Variants in SYT1 observed in about 807,000 individuals in gnomAD.
SYT1 encodes the protein synaptotagmin-1.
SYT1 carries 8 observed loss-of-function variants against 44.8 expected under a neutral mutation model. The ratio of observed to expected loss-of-function variants is 0.18; its 90% CI spans 0.10 to 0.32. The LOEUF is 0.32. Among genes scored for constraint, SYT1 ranks in the 10% least tolerant of loss-of-function variants. The probability of loss-of-function intolerance (pLI) is 1.00; values close to 1 mark genes in which losing one functional copy is unlikely to be tolerated. For synonymous variants in SYT1, 154 were observed against 188.8 expected, an observed-to-expected ratio of 0.82 and a Z score of 1.51; for missense variants, 286 against 509.3, an observed-to-expected ratio of 0.56 and a Z score of 4.22.
intron 10 of SYT1, among the ~76,000 whole-genome samples, chr12:79,448,230 A>G (rs1460215950): frequency 6.6e-6 from 1 of 152,224 alleles, no homozygotes; most frequent in Non-Finnish European, 1.5e-5. Context: ...TCCATTTGAT[A>G]TCAATGCCAG....
intron 8 of SYT1, among the ~76,000 whole-genome samples, chr12:79,300,813 ATATATATATATT>A (rs201412715): frequency 0.011 from 1,550 of 142,176 alleles, 38 homozygotes; most frequent in African/African-American, 0.037. Flanking sequence ...ATATATATAT[ATATATATATATT>A]TACTGTCTCA....
At chr12:78,952,897 C>T (rs140888275) in intron 1 of SYT1, among the ~76,000 whole-genome samples, 424 of 152,064 alleles carry the variant, frequency 2.8e-3, no homozygotes, top group Non-Finnish European at 5.1e-3. Flanking sequence ...TTTTCTTAAG[C>T]TGACTATTAA....
At chr12:78,914,706 A>T (rs1592554261) in intron 1 of SYT1, among the ~76,000 whole-genome samples, 1 of 152,062 alleles carries the variant, frequency 6.6e-6, no homozygotes, top group East Asian at 1.9e-4. Flanking sequence ...TTGCCTAAAG[A>T]TATATTCAGC....
intron 3 of SYT1, 54 bp from the exon 4 acceptor site, chr12:79,217,449 G>T: frequency 7.0e-7 from 1 of 1,421,484 alleles, no homozygotes; most frequent in South Asian, 1.6e-5. Flanking sequence ...CCTTTGATGT[G>T]GGAGCAGTTA....
At chr12:79,370,335 G>T (rs1192693600) in intron 9 of SYT1, among the ~76,000 whole-genome samples, 1 of 152,164 alleles carries the variant, frequency 6.6e-6, no homozygotes, top group Non-Finnish European at 1.5e-5. Flanking sequence ...TGAAAAATGT[G>T]AGAAAAGAAT....
At chr12:78,920,356 C>G (rs922791800) in intron 1 of SYT1, among the ~76,000 whole-genome samples, 1 of 151,744 alleles carries the variant, frequency 6.6e-6, no homozygotes, top group Non-Finnish European at 1.5e-5. Context: ...GCTAATAGAT[C>G]GCATTCAACA....
At chr12:79,037,170 T>C (rs1172716073) in intron 2 of SYT1, among the ~76,000 whole-genome samples, 1 of 151,840 alleles carries the variant, frequency 6.6e-6, no homozygotes, top group Admixed American at 6.6e-5. Flanking sequence ...TCAATGTGAC[T>C]TTCCGTTATA....
At chr12:79,245,057 G>A (rs1472177832) in intron 4 of SYT1, among the ~76,000 whole-genome samples, 1 of 152,094 alleles carries the variant, frequency 6.6e-6, no homozygotes, top group Admixed American at 6.5e-5. Context: ...GAATGACTCT[G>A]AAATTGCCAT....
At chr12:78,999,370 T>G (rs1870580694) in intron 2 of SYT1, among the ~76,000 whole-genome samples, 1 of 152,134 alleles carries the variant, frequency 6.6e-6, no homozygotes, top group South Asian at 2.1e-4. Context: ...TTTTAAAGAG[T>G]CTGGATCTTT....
At chr12:78,885,083 A>G (rs1243638896) in intron 1 of SYT1, among the ~76,000 whole-genome samples, 1 of 151,952 alleles carries the variant, frequency 6.6e-6, no homozygotes, top group Non-Finnish European at 1.5e-5. Flanking sequence ...TTGGATTTCA[A>G]TCCACTAGTA....
At chr12:79,200,081 G>A (rs985220836) in intron 3 of SYT1, among the ~76,000 whole-genome samples, 3 of 152,018 alleles carry the variant, frequency 2.0e-5, no homozygotes, top group Admixed American at 1.3e-4. Context: ...CCTACCAAAA[G>A]CTACTGAAAT....
At chr12:79,235,488 A>G (rs555628878) in intron 4 of SYT1, among the ~76,000 whole-genome samples, 1 of 152,086 alleles carries the variant, frequency 6.6e-6, no homozygotes, top group African/African-American at 2.4e-5. Context: ...TATAAAAGAA[A>G]AACTTGATAA....
chr12:78,993,992 G>A lies in SYT1; in HGVS notation c.-84+16061G>A, dbSNP rs138984090. ...TTTTTCTGATGATAGTATGTTGTTGGCAGAACAAAAAAGTTGTGTTTCCAT... is the reference window on the plus strand; with the variant it reads ...TTTTTCTGATGATAGTATGTTGTTGACAGAACAAAAAAGTTGTGTTTCCAT... On this transcript the variant is annotated intron_variant, in intron 2 of 10. Transcript: ENST00000261205. Among the ~76,000 whole-genome samples the A allele has an allele frequency of 7.2e-5, 11 of 152,264 alleles. No individual in the cohort carries two copies. The East Asian group carries it at 2.1e-3, about 29-fold the overall frequency.
At chr12:78,951,107 C>T (rs1225700983) in intron 1 of SYT1, among the ~76,000 whole-genome samples, 4 of 152,098 alleles carry the variant, frequency 2.6e-5, no homozygotes, top group Non-Finnish European at 1.5e-5. Context: ...GAGTGATAGT[C>T]AAGTCCAAAC....
chr12:78,994,425 T>C lies in SYT1; in HGVS notation c.-84+16494T>C, dbSNP rs192253082. The stretch of plus-strand genomic sequence containing the variant: ...CTGCCTATTGTTCTGCCTAGCTCTT[T>C]CACATTTACTTGAGAAGTGTCATCA... On this transcript the variant is annotated intron_variant, in intron 2 of 10. Transcript: ENST00000261205. Among the ~76,000 whole-genome samples, 139 of 152,220 alleles carry C rather than the reference T, an allele frequency of 9.1e-4. 1 individual carries two copies. The highest frequency in any genetic ancestry group is 3.2e-3 in the African/African-American group (132 of 41,572).
intron 8 of SYT1, among the ~76,000 whole-genome samples, chr12:79,302,150 A>C (rs909541894): frequency 3.9e-5 from 6 of 152,208 alleles, no homozygotes; most frequent in Non-Finnish European, 7.3e-5. Context: ...TCCACTTTAC[A>C]TGAGCAATTT....
chr12:79,213,222 A>G (rs1458159676), intron 3 of SYT1, among the ~76,000 whole-genome samples: 2 of 152,184 alleles, frequency 1.3e-5, no homozygotes, highest in Admixed American at 6.5e-5. Flanking sequence ...TCAGTATATA[A>G]TATCTAGGCA....
chr12:78,970,995 AT>A (rs1868360546), intron 1 of SYT1, among the ~76,000 whole-genome samples: 1 of 151,698 alleles, frequency 6.6e-6, no homozygotes, highest in African/African-American at 2.4e-5. Flanking sequence ...ATAAAATAAA[AT>A]TTAAAAAAAT....
intron 2 of SYT1, among the ~76,000 whole-genome samples, chr12:79,020,369 T>A (rs1400867495): frequency 2.0e-5 from 3 of 151,906 alleles, no homozygotes; most frequent in East Asian, 1.9e-4. Context: ...TCCATTTCAA[T>A]TAACAGGATG....
Sources: gnomAD v4.1 joint callset for allele counts (sites outside exome capture counted in the v4.1 genomes callset) on GRCh38, gnomAD v4.1.1 for gene constraint, MANE v1.5 for transcripts, NCBI Gene and HGNC (gene_info 2026-07-23, HGNC 2026-07-21) for gene names.